The following ZNF18 variants were observed in gnomAD, a reference collection of about 807,000 sequenced individuals.
ZNF18 encodes the protein heart development-specific gene 1 protein.
Under a neutral mutation model 58.1 loss-of-function variants are expected in ZNF18, and 42 were observed. That is an observed-to-expected ratio of 0.72 (90% CI 0.56 to 0.93). The LOEUF (loss-of-function observed/expected upper bound fraction) is 0.93, where lower values mean the gene tolerates loss of function less well. Ranked by LOEUF, ZNF18 falls within the 40% of genes least tolerant of loss-of-function variation. The pLI is 0.00. For synonymous variants in ZNF18, 231 were observed against 239.8 expected, an observed-to-expected ratio of 0.96 and a Z score of 0.34; for missense variants, 540 against 644.2, an observed-to-expected ratio of 0.84 and a Z score of 1.75.
At chr17:11,982,657 A>AGTGT (rs143602913) in intron 6 of ZNF18, among the ~76,000 whole-genome samples, 27,893 of 136,572 alleles carry the variant, frequency 0.2, 3,316 homozygotes, top group Admixed American at 0.27. Flanking sequence ...TATATATAAA[A>AGTGT]GTGTGTGTGT....
At chr17:12,017,315 C>T in the ZNF18 span, among the ~76,000 whole-genome samples, 1 of 152,128 alleles carries the variant, frequency 6.6e-6, no homozygotes, top group Non-Finnish European at 1.5e-5. Context: ...ATTCAGTGCT[C>T]GAATGACATC....
At chr17:11,995,031 T>G (rs1401875419) in intron 1 of ZNF18, among the ~76,000 whole-genome samples, 2 of 152,024 alleles carry the variant, frequency 1.3e-5, no homozygotes, top group Admixed American at 6.6e-5. Context: ...CAGATGAAAA[T>G]CCTTGTATAA....
chr17:11,995,126 G>A (rs1968380637), intron 1 of ZNF18, among the ~76,000 whole-genome samples: 1 of 151,904 alleles, frequency 6.6e-6, no homozygotes, highest in African/African-American at 2.4e-5. Flanking sequence ...AAGAAACCCA[G>A]GTCTGAGCGC....
At chr17:12,018,801 T>C in the ZNF18 span, among the ~76,000 whole-genome samples, 1 of 152,172 alleles carries the variant, frequency 6.6e-6, no homozygotes, top group Non-Finnish European at 1.5e-5. Context: ...TGCAAGTATA[T>C]GTCAGTTTTA....
At chr17:12,016,825 C>T in the ZNF18 span, among the ~76,000 whole-genome samples, 2 of 152,138 alleles carry the variant, frequency 1.3e-5, no homozygotes, top group Non-Finnish European at 2.9e-5. Context: ...TATTTCCATT[C>T]TTTTACTCTT....
chr17:12,000,202 C>T (rs189188247), upstream of ZNF18, among the ~76,000 whole-genome samples: 1 of 152,134 alleles, frequency 6.6e-6, no homozygotes, highest in East Asian at 1.9e-4. Flanking sequence ...ATTACAGGTG[C>T]GAGCCACCAG....
At chr17:12,013,037 C>T in the ZNF18 span, among the ~76,000 whole-genome samples, 5 of 151,846 alleles carry the variant, frequency 3.3e-5, no homozygotes, top group East Asian at 1.9e-4. Context: ...CTGCAACCTC[C>T]GCCTCCTGGA....
the ZNF18 span, among the ~76,000 whole-genome samples, chr17:12,012,907 C>T: frequency 6.6e-6 from 1 of 151,762 alleles, no homozygotes; most frequent in Non-Finnish European, 1.5e-5. Flanking sequence ...ATTTTCTTGG[C>T]CTAATTTTCT....
intron 5 of ZNF18, among the ~76,000 whole-genome samples, 166 bp from the exon 6 acceptor site, chr17:11,983,573 C>T (rs1967522663): frequency 6.6e-6 from 1 of 152,150 alleles, no homozygotes; most frequent in South Asian, 2.1e-4. Context: ...GACACCAGTA[C>T]TCACAGGATG....
In ZNF18 at chr17:11,978,596, A is replaced by G. The variant is rs1967139229; in HGVS notation, c.1011T>C (p.Phe337=). The change falls in exon 7 of 7, where the codon TTT becomes TTC. Residue 337 remains phenylalanine (F), a synonymous_variant. Coordinates refer to ENST00000580306, the MANE Select transcript of ZNF18 (RefSeq NM_001303281.2). Reference sequence around the variant, plus strand: ...CCTCAGGGAGATTCTCTCCTTCTCCAAAGCATCCTGGCTCATCCTCAGTGA... The same window carrying G: ...CCTCAGGGAGATTCTCTCCTTCTCCGAAGCATCCTGGCTCATCCTCAGTGA... ...GFFTEDEPGC[F]GEGENLPEAL... is the part of the protein sequence containing the mutation. 1.2e-6 allele frequency: 2 copies of G among 1,614,072 alleles called. No homozygotes were observed. The highest frequency in any genetic ancestry group is 2.7e-5 in the African/African-American group (2 of 75,012).
upstream of ZNF18, among the ~76,000 whole-genome samples, chr17:12,001,715 T>C (rs1168965447): frequency 6.6e-6 from 1 of 151,932 alleles, no homozygotes; most frequent in African/African-American, 2.4e-5. Context: ...CCATAAAAAA[T>C]AAGTAGGTGA....
At chr17:12,003,910 G>A in the ZNF18 span, among the ~76,000 whole-genome samples, 1 of 152,214 alleles carries the variant, frequency 6.6e-6, no homozygotes, top group African/African-American at 2.4e-5. Context: ...AAGGGAACGT[G>A]AGGAGGCCCA....
the ZNF18 span, among the ~76,000 whole-genome samples, chr17:12,003,939 A>C: frequency 2.0e-5 from 3 of 152,246 alleles, no homozygotes; most frequent in African/African-American, 7.2e-5. Context: ...AGCAGTTAAA[A>C]GTGAGGGCCT....
At chr17:12,021,053 G>A in the ZNF18 span, 2 of 1,110,464 alleles carry the variant, frequency 1.8e-6, no homozygotes, top group African/African-American at 1.6e-5. Context: ...GGCAACCCGC[G>A]TCGTCGCGGC....
At chr17:12,015,688 C>A in the ZNF18 span, among the ~76,000 whole-genome samples, 1 of 152,146 alleles carries the variant, frequency 6.6e-6, no homozygotes, top group Non-Finnish European at 1.5e-5. Context: ...CTATCCCTCT[C>A]GCCTATCATT....
At chr17:12,020,873 C>A in the ZNF18 span, 3 of 1,161,828 alleles carry the variant, frequency 2.6e-6, no homozygotes, top group South Asian at 4.3e-5. Flanking sequence ...CCGCTCGGCT[C>A]TTCACTCCCA....
chr17:11,992,813 C>T lies in ZNF18; in HGVS notation c.17G>A (p.Gly6Glu), dbSNP rs1438395906. Residue 6 changes from glycine to glutamate, a missense_variant, in exon 2 of 7, where the codon GGG becomes GAG. By Grantham distance (98) the Gly-to-Glu change is moderately conservative. Transcript: ENST00000580306. The stretch of plus-strand genomic sequence containing the variant: ...CGATGGCAGCAGGCCTAGGGCCTGC[C>T]CCAAGTCAACGGGCATTGTCCAGCC... The part of the protein sequence containing the change: MPVDL[G>E]QALGLLPSLA... 3 of 1,612,268 alleles carry T rather than the reference C, an allele frequency of 1.9e-6. No individual in the cohort carries two copies. Among genetic ancestry groups the T allele is most frequent in the Non-Finnish European group, 2.5e-6 (3 of 1,179,462 alleles).
the ZNF18 span, among the ~76,000 whole-genome samples, chr17:12,006,729 T>C: frequency 6.6e-6 from 1 of 152,024 alleles, no homozygotes; most frequent in Non-Finnish European, 1.5e-5. Context: ...CCAACCTAGG[T>C]GCCGAAGCTC....
At chr17:12,012,256 C>T in the ZNF18 span, among the ~76,000 whole-genome samples, 2 of 152,140 alleles carry the variant, frequency 1.3e-5, no homozygotes, top group South Asian at 2.1e-4. Context: ...CTTCATCTGG[C>T]TTTTTAAAAG....
Sources: gnomAD v4.1 joint callset for allele counts (sites outside exome capture counted in the v4.1 genomes callset) on GRCh38, gnomAD v4.1.1 for gene constraint, MANE v1.5 for transcripts, NCBI Gene and HGNC (gene_info 2026-07-23, HGNC 2026-07-21) for gene names.